LIMA1: variants seen among roughly 807,000 people sequenced by gnomAD.
LIMA1 encodes LIM domain and actin binding 1.
In LIMA1, 52 loss-of-function variants were observed where a neutral mutation model predicts 62.6. The ratio of observed to expected loss-of-function variants is 0.83; its 90% CI spans 0.67 to 1.05. LIMA1 has a LOEUF of 1.05. Ranked by LOEUF, LIMA1 falls within the 50% of genes least tolerant of loss-of-function variation. The pLI, the probability that LIMA1 is intolerant of heterozygous loss-of-function variation, is 0.00. For missense variants in LIMA1, 780 were observed against 902.2 expected, an observed-to-expected ratio of 0.86 and a Z score of 1.74; for synonymous variants, 302 against 317.8, an observed-to-expected ratio of 0.95 and a Z score of 0.53.
At chr12:50,187,258 TA>T (rs1420066047) in intron 9 of LIMA1, 4 of 152,092 alleles carry the variant, frequency 2.6e-5, no homozygotes, top group Admixed American at 2.6e-4. Context: ...GTGTGGGAGG[TA>T]GGGGGGAGCA....
At chr12:50,209,599 A>G (rs1941218473) in intron 4 of LIMA1, among the ~76,000 whole-genome samples, 1 of 148,604 alleles carries the variant, frequency 6.7e-6, no homozygotes, top group Non-Finnish European at 1.5e-5. Flanking sequence ...AAAAAAGATA[A>G]TGAAGATCTT....
In LIMA1 at chr12:50,176,864, A is replaced by G; in HGVS notation, c.*200T>C. On this transcript the variant is annotated 3_prime_UTR_variant, in exon 11 of 11. Coordinates refer to ENST00000341247, the MANE Select transcript of LIMA1 (RefSeq NM_016357.5). ...CTGCTAAAATGAAGAATTTAAGTAA[A>G]GTTATCTCTAGTATTTAGAATGTGT... 1 of 498,852 alleles carries G rather than the reference A, an allele frequency of 2.0e-6. No homozygotes were observed. 30.9% of individuals were successfully genotyped at this position (498,852 alleles called of 1,614,324 possible). A position where few individuals can be genotyped will look rare whatever the true frequency, so the allele number is the denominator to read the frequency against.
At chr12:50,270,233 CAAAAAAAAA>C (rs60610107) in intron 1 of LIMA1, among the ~76,000 whole-genome samples, 18 of 68,406 alleles carry the variant, frequency 2.6e-4, no homozygotes, top group African/African-American at 9.7e-4. Context: ...GAAACTCTGT[CAAAAAAAAA>C]AAAAAAAAAA....
intron 7 of LIMA1, among the ~76,000 whole-genome samples, chr12:50,196,381 GA>G (rs1940931282): frequency 6.6e-6 from 1 of 152,126 alleles, no homozygotes; most frequent in Non-Finnish European, 1.5e-5. Context: ...AAGACCTTTT[GA>G]CAGTTATAAA....
intron 4 of LIMA1, among the ~76,000 whole-genome samples, chr12:50,212,967 A>G (rs376648185): frequency 1.6e-4 from 25 of 152,242 alleles, no homozygotes; most frequent in African/African-American, 5.8e-4. Flanking sequence ...GGCGCATGTC[A>G]CCACGCCAGG....
At chr12:50,257,339 T>C (rs1942009627) in intron 1 of LIMA1, among the ~76,000 whole-genome samples, 1 of 152,140 alleles carries the variant, frequency 6.6e-6, no homozygotes, top group Admixed American at 6.5e-5. Context: ...GCTCAGATGA[T>C]GTTGAAGGCC....
chr12:50,266,096 C>T (rs1942135771), intron 1 of LIMA1, among the ~76,000 whole-genome samples: 1 of 152,196 alleles, frequency 6.6e-6, no homozygotes, highest in Non-Finnish European at 1.5e-5. Context: ...AAGTCCCTGC[C>T]AGCTCTTGTC....
intron 3 of LIMA1, among the ~76,000 whole-genome samples, chr12:50,223,236 G>A (rs1290171450): frequency 1.3e-5 from 2 of 151,866 alleles, no homozygotes; most frequent in Non-Finnish European, 2.9e-5. Context: ...TGTAATCCCA[G>A]CACTTTGGGA....
intron 2 of LIMA1, among the ~76,000 whole-genome samples, chr12:50,245,241 G>A (rs772799883): frequency 1.3e-5 from 2 of 151,670 alleles, no homozygotes; most frequent in African/African-American, 2.4e-5. Context: ...ATAGTGAGAC[G>A]CTGTCTTTAC....
At chr12:50,271,250 G>A (rs182162441) in intron 1 of LIMA1, among the ~76,000 whole-genome samples, 7 of 152,272 alleles carry the variant, frequency 4.6e-5, no homozygotes, top group Non-Finnish European at 1.0e-4. Context: ...CAGCCTCGGC[G>A]ACAGGGCAAG....
At position 50,195,891 on chromosome 12, in the gene LIMA1, C is replaced by CAAAAAA. The variant is rs373254884; in HGVS notation, c.973-10_973-5dup. 60 of 1,098,726 alleles carry CAAAAAA rather than the reference C, an allele frequency of 5.5e-5. No homozygotes were observed. Among genetic ancestry groups the CAAAAAA allele is most frequent in the South Asian group, 2.8e-4 (13 of 45,704 alleles). The allele number at this position is 1,098,726 out of a possible 1,614,324, so 68.1% of individuals were successfully genotyped here. A position where few individuals can be genotyped will look rare whatever the true frequency, so the allele number is the denominator to read the frequency against. Reference sequence around the variant, plus strand: ...GGCTATTCTCATTTGCAGAAATCTACAAAAAAAAAAAAAAAAAAAAAGTTA... The same window carrying CAAAAAA: ...GGCTATTCTCATTTGCAGAAATCTACAAAAAAAAAAAAAAAAAAAAAAAAAAAGTTA... On this transcript the variant is annotated splice_polypyrimidine_tract_variant and splice_region_variant and intron_variant, in intron 7 of 10. Coordinates refer to ENST00000341247, the MANE Select transcript of LIMA1 (RefSeq NM_016357.5).
chr12:50,225,036 G>T (rs1234488939), intron 3 of LIMA1, among the ~76,000 whole-genome samples: 1 of 151,554 alleles, frequency 6.6e-6, no homozygotes, highest in African/African-American at 2.4e-5. Context: ...CTGAGTAGCT[G>T]GGATTACAGG....
chr12:50,258,322 G>A (rs369261734), intron 1 of LIMA1, among the ~76,000 whole-genome samples: 2 of 149,564 alleles, frequency 1.3e-5, no homozygotes, highest in African/African-American at 2.5e-5. Flanking sequence ...GTGTGTGTGT[G>A]ACAGAATCCA....
At position 50,192,545 on chromosome 12, in the gene LIMA1, C is replaced by T. The variant is rs1300901637; in HGVS notation, c.1047G>A (p.Lys349=). 2 of 1,613,204 alleles carry T rather than the reference C, an allele frequency of 1.2e-6. No homozygotes were observed. Among genetic ancestry groups the T allele is most frequent in the Non-Finnish European group, 1.7e-6 (2 of 1,179,272 alleles). ...GATGGACAGGCTGTTGAACCTCACT[C>T]TTAACCTGGGAGTCACCTGCTTGAG... ...AEDDSRDSQV[K]SEVQQPVHPK... The change falls in exon 9 of 11, where the codon AAG becomes AAA. Residue 349 remains lysine (K), a synonymous_variant. Transcript: ENST00000341247.
intron 9 of LIMA1, among the ~76,000 whole-genome samples, chr12:50,183,834 A>AC (rs397710487): frequency 1.1e-3 from 169 of 149,818 alleles, no homozygotes; most frequent in Non-Finnish European, 1.9e-3. Flanking sequence ...AAAAAAAAAA[A>AC]CCCAAAACAG....
chr12:50,198,504 T>C (rs1940977380), intron 7 of LIMA1, among the ~76,000 whole-genome samples: 1 of 152,184 alleles, frequency 6.6e-6, no homozygotes, highest in Non-Finnish European at 1.5e-5. Flanking sequence ...CAGTGAGCTA[T>C]GATCACACTA....
rs1565833582 is a variant in LIMA1 at position 50,193,673 on chromosome 12, T to TA, written c.1031-1113_1031-1112insT. Among the ~76,000 whole-genome samples the TA allele has an allele frequency of 3.8e-3, 492 of 128,808 alleles. 12 individuals carry two copies. Among genetic ancestry groups the TA allele is most frequent in the African/African-American group, 0.014 (456 of 33,044 alleles). The allele number at this position is 128,808 out of a possible 152,430, so 84.5% of individuals were successfully genotyped here. A position where few individuals can be genotyped will look rare whatever the true frequency, so the allele number is the denominator to read the frequency against. Reference sequence around the variant, plus strand: ...GTGTATATATATATATATATTTTTTTTTTTTTTTTTTTTCAGAGTCTCACT... The same window carrying TA: ...GTGTATATATATATATATATTTTTTTATTTTTTTTTTTTTCAGAGTCTCACT... On this transcript the variant is annotated intron_variant, in intron 8 of 10. Transcript: ENST00000341247.
intron 3 of LIMA1, among the ~76,000 whole-genome samples, chr12:50,228,774 A>G (rs1592538056): frequency 6.6e-6 from 1 of 152,340 alleles, no homozygotes; most frequent in South Asian, 2.1e-4. Flanking sequence ...TGCAAAACTG[A>G]GCTTCTACTA....
chr12:50,255,549 CAAAAA>C (rs1185514558), intron 1 of LIMA1, among the ~76,000 whole-genome samples: 2 of 39,688 alleles, frequency 5.0e-5, no homozygotes, highest in African/African-American at 1.6e-4. Context: ...CAGACCCTGT[CAAAAA>C]AAAAAAAAGA....
Sources: allele counts gnomAD v4.1 joint callset (sites outside exome capture counted in the v4.1 genomes callset), GRCh38; gene constraint gnomAD v4.1.1; transcripts MANE v1.5; gene names NCBI Gene and HGNC (gene_info 2026-07-23, HGNC 2026-07-21).